Variants in NAGPA observed in about 807,000 individuals in gnomAD.
NAGPA encodes alpha-N-acetylglucosaminyl phosphodiesterase.
In NAGPA, 56 loss-of-function variants were observed where a neutral mutation model predicts 48.5. That is an observed-to-expected ratio of 1.15 (90% CI 0.93 to 1.44). NAGPA has a LOEUF of 1.44. NAGPA is among the 40% of genes most tolerant of loss of function. The pLI is 0.00. For missense variants in NAGPA, 888 were observed against 735.0 expected (o/e 1.21, Z -2.41); for synonymous variants, 399 against 315.5 (o/e 1.26, Z -2.81).
intron 2 of NAGPA, chr16:5,032,966 ATCAGAATGTATG>A: frequency 2.0e-6 from 1 of 501,828 alleles, no homozygotes; most frequent in South Asian, 2.3e-5. Context: ...ACACACAGCA[ATCAGAATGTATG>A]TTAGCTATTT....
Position 5,025,580 on chromosome 16 carries a change from C to G in NAGPA, c.1446G>C (p.Leu482=), listed in dbSNP as rs764636540. 3.7e-6 allele frequency: 6 copies of G among 1,613,910 alleles called. No individual in the cohort carries two copies. In the Middle Eastern group the frequency reaches 5.1e-4, roughly 138 times the overall value. The part of the protein sequence containing the change: ...LLSRAERNRR[L]HGDYAYHPLQ... The stretch of plus-strand genomic sequence containing the variant: ...GCGGGTGGTATGCATAGTCCCCATG[C>G]AGGCGCCGGTTCCTCTCTGCTCTGG... The change falls in exon 10 of 10, where the codon CTG becomes CTC. Residue 482 remains leucine, a synonymous_variant. Coordinates refer to ENST00000312251, the MANE Select transcript of NAGPA (RefSeq NM_016256.4).
intron 3 of NAGPA, 167 bp from the exon 4 acceptor site, chr16:5,030,660 C>T: frequency 1.5e-6 from 1 of 688,070 alleles, no homozygotes; most frequent in Non-Finnish European, 2.6e-6. Flanking sequence ...CTCCCCAGGG[C>T]AGCCGGGGGG....
At position 5,029,357 on chromosome 16, in the gene NAGPA, G is replaced by A. The variant is rs1001085883; in HGVS notation, c.792-349C>T. The A allele has an allele frequency of 2.5e-5, 9 of 357,186 alleles. No homozygotes were observed. The Admixed American group carries it at 3.5e-4, about 14-fold the overall frequency. 22.1% of individuals were successfully genotyped at this position (357,186 alleles called of 1,614,324 possible). A position where few individuals can be genotyped will look rare whatever the true frequency, so the allele number is the denominator to read the frequency against. On this transcript the variant is annotated intron_variant, in intron 4 of 9. Transcript: ENST00000312251. ...TACGAGGGGGATGAGAGGGTGGCCG[G>A]ACAACTGGGGGAGAGGACACACATG...
chr16:5,027,489 G>A lies in NAGPA; in HGVS notation c.1175-110C>T, dbSNP rs1016898290. 10 of 1,207,932 alleles carry A rather than the reference G, an allele frequency of 8.3e-6. No individual in the cohort carries two copies. The East Asian group carries it at 2.2e-4, about 27-fold the overall frequency. 74.8% of individuals were successfully genotyped at this position (1,207,932 alleles called of 1,614,324 possible). A position where few individuals can be genotyped will look rare whatever the true frequency, so the allele number is the denominator to read the frequency against. ...ACCTGCCCCTGCCCATGTGTACAGA[G>A]CCGGGCTAAAGGTGAAGCACCCCCT... On this transcript the variant is annotated intron_variant, in intron 7 of 9. Transcript: ENST00000312251.
In NAGPA at chr16:5,031,844, A is replaced by G; in HGVS notation, c.583T>C (p.Phe195Leu). ...EEEVLDTENPFVQLLSGVVWL... is the reference protein window; with the variant it reads ...EEEVLDTENPLVQLLSGVVWL... ...ACGACCCCACTCAGCAGCTGCACAA[A>G]TGGGTTCTCAGTGTCCAGCACCTCC... Residue 195 changes from phenylalanine (F) to leucine (L), a missense_variant, in exon 3 of 10, where the codon TTT (phenylalanine) becomes CTT (leucine). By Grantham distance (22) the Phe-to-Leu change is conservative (BLOSUM62 0). Transcript: ENST00000312251. 6.2e-7 allele frequency: 1 copy of G among 1,614,046 alleles called. No individual in the cohort carries two copies.
At chr16:5,032,953 T>G (rs1199686732) in intron 2 of NAGPA, 1 of 476,098 alleles carries the variant, frequency 2.1e-6, no homozygotes, top group African/African-American at 2.0e-5. Flanking sequence ...GTTGCTTTGC[T>G]GCACACACAG....
At position 5,027,372 on chromosome 16, in the gene NAGPA, G is replaced by C. The variant is rs1441774948; in HGVS notation, c.1182C>G (p.Pro394=). Residue 394 remains proline (P), a synonymous_variant, in exon 8 of 10, where the codon CCC becomes CCG. Transcript: ENST00000312251. ...GGCAGCCCGGCCCATGCCAGCCAAG[G>C]GGACACTCTATGGAAAGGAGATGGG... The part of the protein sequence containing the change: ...WTGSNCSEEC[P]LGWHGPGCQR... 6.2e-7 allele frequency: 1 copy of C among 1,612,448 alleles called. No homozygotes were observed. Among genetic ancestry groups the C allele is most frequent in the East Asian group, 2.2e-5 (1 of 44,790 alleles).
rs1183710183 is a variant in NAGPA at position 5,033,662 on chromosome 16, G to A, written c.153C>T (p.Cys51=). 4 of 1,587,040 alleles carry A rather than the reference G, an allele frequency of 2.5e-6. No homozygotes were observed. The East Asian group carries it at 6.7e-5, about 27-fold the overall frequency. ...PRARARLPRD[C]TRVRAGNREH... ...CGCGGTTGCCGGCGCGCACCCGTGT[G>A]CAGTCCCGGGGGAGGCGCGCGCGCG... Residue 51 remains cysteine, a synonymous_variant, in exon 2 of 10, where the codon TGC becomes TGT. Transcript: ENST00000312251. The surrounding 1 kb of genome is among the most constrained non-coding windows in gnomAD (Gnocchi z 4.2).
chr16:5,027,353 C>T lies in NAGPA; in HGVS notation c.1201G>A (p.Gly401Ser), dbSNP rs1956020307. The T allele has an allele frequency of 1.2e-6, 2 of 1,613,966 alleles. No individual in the cohort carries two copies. The highest frequency in any genetic ancestry group is 1.7e-6 in the Non-Finnish European group (2 of 1,180,018). Residue 401 changes from glycine to serine, a missense_variant, in exon 8 of 10, where the codon GGC becomes AGC. Gly to Ser is a moderately conservative substitution (Grantham distance 56). Coordinates refer to ENST00000312251, the MANE Select transcript of NAGPA (RefSeq NM_016256.4). Reference sequence around the variant, plus strand: ...TCACACTTACAAGGCCTCTGGCAGCCCGGCCCATGCCAGCCAAGGGGACAC... The same window carrying T: ...TCACACTTACAAGGCCTCTGGCAGCTCGGCCCATGCCAGCCAAGGGGACAC... ...EECPLGWHGP[G>S]CQRPCKCEHH...
intron 9 of NAGPA, among the ~76,000 whole-genome samples, chr16:5,026,806 C>T (rs999244227): frequency 2.6e-5 from 4 of 152,140 alleles, no homozygotes; most frequent in Non-Finnish European, 4.4e-5. Context: ...GAGGCTGAGG[C>T]GGGAGGATCG....
In NAGPA at chr16:5,030,402, G is replaced by A; in HGVS notation, c.774C>T (p.Gly258=). The A allele has an allele frequency of 6.4e-7, 1 of 1,552,022 alleles. No homozygotes were observed. The highest frequency in any genetic ancestry group is 8.7e-7 in the Non-Finnish European group (1 of 1,147,284). ...GGACTCACCCACGCTGCTCCGTTTG[G>A]CCGTCTGCATGAAAGAGCACCAGCT... The part of the protein sequence containing the change: ...KGQLVLFHAD[G]QTEQRGINLW... Residue 258 remains glycine (G), a synonymous_variant, in exon 4 of 10, where the codon GGC becomes GGT. Coordinates refer to ENST00000312251, the MANE Select transcript of NAGPA (RefSeq NM_016256.4).
Position 5,033,506 on chromosome 16 carries a change from G to A in NAGPA, c.309C>T (p.Thr103=), listed in dbSNP as rs765580977. 6.5e-7 allele frequency: 1 copy of A among 1,542,786 alleles called. No homozygotes were observed. The highest frequency in any genetic ancestry group is 8.7e-7 in the Non-Finnish European group (1 of 1,153,544). ...GTCCACCGGGCTCCAGCACCGAGAA[G>A]GTGCGCAGGGGCTCAACGGCCCGCG... ...HLTRAVEPLR[T]FSVLEPGGPG... The change falls in exon 2 of 10, where the codon ACC becomes ACT. Residue 103 remains threonine, a synonymous_variant. Coordinates refer to ENST00000312251, the MANE Select transcript of NAGPA (RefSeq NM_016256.4). The surrounding 1 kb of genome is among the most constrained non-coding windows in gnomAD (Gnocchi z 4.2).
chr16:5,033,723 G>A lies in NAGPA; in HGVS notation c.92C>T (p.Ser31Phe). ...GGGCAGTAGCAAGTCGTCGTCGCGG[G>A]AGGCCCTGCGGGGACGGGCGGCCGT... ...EASGGLDSGA[S>F]RDDDLLLPYP... Residue 31 changes from serine (S) to phenylalanine (F), a missense_variant, in exon 2 of 10, where the codon TCC (serine) becomes TTC (phenylalanine). By Grantham distance (155) the Ser-to-Phe change is radical. Transcript: ENST00000312251. The surrounding 1 kb of genome is among the most constrained non-coding windows in gnomAD (Gnocchi z 4.2). The A allele has an allele frequency of 1.1e-5, 17 of 1,603,928 alleles. No individual in the cohort carries two copies. Among genetic ancestry groups the A allele is most frequent in the Non-Finnish European group, 1.4e-5 (16 of 1,177,394 alleles).
Position 5,027,313 on chromosome 16 carries a change from C to T in NAGPA, c.1241G>A (p.Cys414Tyr). The T allele has an allele frequency of 1.2e-6, 2 of 1,614,212 alleles. No homozygotes were observed. Among genetic ancestry groups the T allele is most frequent in the Non-Finnish European group, 1.7e-6 (2 of 1,180,044 alleles). The change falls in exon 8 of 10, where the codon TGT becomes TAT. Residue 414 changes from cysteine to tyrosine, a missense_variant. Cys to Tyr is a radical substitution (Grantham distance 194). Transcript: ENST00000312251. ...RPCKCEHHCP[C>Y]DPKTGNCSVS... ...GCTGCAGTTGCCAGTCTTGGGGTCACAGGGACAATGGTGCTCACACTTACA... is the reference window on the plus strand; with the variant it reads ...GCTGCAGTTGCCAGTCTTGGGGTCATAGGGACAATGGTGCTCACACTTACA...
At position 5,025,591 on chromosome 16, in the gene NAGPA, T is replaced by A; in HGVS notation, c.1435A>T (p.Asn479Tyr). ...GCATAGTCCCCATGCAGGCGCCGGT[T>A]CCTCTCTGCTCTGGACAGGAGCAAG... Reference protein sequence around the residue: ...LSLLLSRAERNRRLHGDYAYH... With the variant: ...LSLLLSRAERYRRLHGDYAYH... The change falls in exon 10 of 10, where the codon AAC (asparagine) becomes TAC (tyrosine). Residue 479 changes from asparagine to tyrosine, a missense_variant. By Grantham distance (143) the Asn-to-Tyr change is moderately radical (BLOSUM62 -2). Transcript: ENST00000312251. 1 of 1,613,910 alleles carries A rather than the reference T, an allele frequency of 6.2e-7. No homozygotes were observed. Among genetic ancestry groups the A allele is most frequent in the Non-Finnish European group, 8.5e-7 (1 of 1,180,038 alleles).
Position 5,031,786 on chromosome 16 carries a change from T to C in NAGPA, c.641A>G (p.Asn214Ser), listed in dbSNP as rs140529374. 341 of 1,614,160 alleles carry C rather than the reference T, an allele frequency of 2.1e-4. 3 individuals carry two copies. The African/African-American group carries it at 3.5e-3, about 17-fold the overall frequency. Residue 214 changes from asparagine (N) to serine (S), a missense_variant, in exon 3 of 10, where the codon AAC becomes AGC. Asn to Ser is a conservative substitution (Grantham distance 46, BLOSUM62 1). Transcript: ENST00000312251. ...GTCACACTCTGTGGCTTGGCTCTCG[T>C]TGATGTAGATGCTTCCATTACGAAT... Reference protein sequence around the residue: ...WLIRNGSIYINESQATECDET... With the variant: ...WLIRNGSIYISESQATECDET...
chr16:5,025,433 G>A lies in NAGPA; in HGVS notation c.*45C>T. On this transcript the variant is annotated 3_prime_UTR_variant, in exon 10 of 10. Transcript: ENST00000312251. Reference sequence around the variant, plus strand: ...TTTCCCCTGCAGAAGCCAGACCGTGGGGAAACAAGCTTTCGCGACGTGCCA... The same window carrying A: ...TTTCCCCTGCAGAAGCCAGACCGTGAGGAAACAAGCTTTCGCGACGTGCCA... 1 of 1,604,478 alleles carries A rather than the reference G, an allele frequency of 6.2e-7. No individual in the cohort carries two copies. Among genetic ancestry groups the A allele is most frequent in the Non-Finnish European group, 8.5e-7 (1 of 1,174,794 alleles).
intron 9 of NAGPA, among the ~76,000 whole-genome samples, chr16:5,026,533 C>CA (rs570375447): frequency 1.0e-4 from 15 of 146,020 alleles, no homozygotes; most frequent in South Asian, 4.4e-4. Context: ...GACCCCGTCT[C>CA]AAAAAAAAAA....
In NAGPA at chr16:5,033,499, C is replaced by T. The variant is rs1380569297; in HGVS notation, c.316G>A (p.Val106Met). Residue 106 changes from valine to methionine, a missense_variant, in exon 2 of 10, where the codon GTG (valine) becomes ATG (methionine). Transcript: ENST00000312251. The surrounding 1 kb of genome is among the most constrained non-coding windows in gnomAD (Gnocchi z 4.2). ...CCGCCGGGTCCACCGGGCTCCAGCACCGAGAAGGTGCGCAGGGGCTCAACG... is the reference window on the plus strand; with the variant it reads ...CCGCCGGGTCCACCGGGCTCCAGCATCGAGAAGGTGCGCAGGGGCTCAACG... ...RAVEPLRTFS[V>M]LEPGGPGGCA... The T allele has an allele frequency of 6.4e-7, 1 of 1,559,422 alleles. No homozygotes were observed. Among genetic ancestry groups the T allele is most frequent in the Non-Finnish European group, 8.6e-7 (1 of 1,161,356 alleles).
Sources: allele counts gnomAD v4.1 joint callset (sites outside exome capture counted in the v4.1 genomes callset), GRCh38; gene constraint gnomAD v4.1.1; non-coding constraint Gnocchi (gnomAD v3.1); transcripts MANE v1.5; gene names NCBI Gene and HGNC (gene_info 2026-07-23, HGNC 2026-07-21).